DMXL1: variants seen among roughly 807,000 people sequenced by gnomAD.
DMXL1 encodes the protein dmX-like protein 1.
DMXL1 carries 99 observed loss-of-function variants against 319.2 expected under a neutral mutation model. The ratio of observed to expected loss-of-function variants is 0.31; its 90% CI spans 0.26 to 0.37. The LOEUF is 0.37. Among genes scored for constraint, DMXL1 ranks in the 10% least tolerant of loss-of-function variants. The pLI is 1.00. For synonymous variants in DMXL1, 1,385 were observed against 1,235.2 expected, an observed-to-expected ratio of 1.12 and a Z score of -2.54; for missense variants, 3,745 against 3,595.6, an observed-to-expected ratio of 1.04 and a Z score of -1.06.
At chr5:119,244,242 T>G (rs1057133961) in intron 42 of DMXL1, 117 bp from the exon 43 acceptor site, 2 of 735,158 alleles carry the variant, frequency 2.7e-6, no homozygotes, top group African/African-American at 3.6e-5. Flanking sequence ...TCATTTGATT[T>G]TTTAATTGTT....
intron 31 of DMXL1, 83 bp from the exon 32 acceptor site, chr5:119,197,672 C>T (rs2150414537): frequency 1.6e-6 from 2 of 1,259,910 alleles, no homozygotes; most frequent in East Asian, 2.3e-5. Context: ...ATCTGCTCTC[C>T]CCTCTCTCAT....
intron 28 of DMXL1, among the ~76,000 whole-genome samples, chr5:119,184,510 A>T (rs1310953156): frequency 6.6e-6 from 1 of 152,236 alleles, no homozygotes. Flanking sequence ...TATGACTAAA[A>T]ACACATGATA....
At chr5:119,122,032 CA>C (rs1329799917) in intron 9 of DMXL1, among the ~76,000 whole-genome samples, 4 of 143,474 alleles carry the variant, frequency 2.8e-5, no homozygotes, top group African/African-American at 1.0e-4. Flanking sequence ...GCTGGCCGGG[CA>C]GGGGGCTGAC....
intron 9 of DMXL1, among the ~76,000 whole-genome samples, chr5:119,124,992 G>A (rs1186551863): frequency 1.3e-5 from 2 of 152,152 alleles, no homozygotes; most frequent in Non-Finnish European, 2.9e-5. Flanking sequence ...ATTTTTCACT[G>A]TTAAACATTT....
Position 119,167,853 on chromosome 5 carries a change from G to C in DMXL1, c.5387G>C (p.Arg1796Thr). The change falls in exon 23 of 44, where the codon AGA becomes ACA. Residue 1796 changes from arginine to threonine, a missense_variant. By Grantham distance (71) the Arg-to-Thr change is moderately conservative. This residue lies in a region of DMXL1 where 1,382 missense variants were observed against 1,269.5 expected (regional missense o/e 1.09). Coordinates refer to ENST00000539542, the MANE Select transcript of DMXL1 (RefSeq NM_001290321.3). ...ALETLIKQPI[R>T]ENDDQVLSAS... ...GAAACATTAATAAAGCAACCTATCA[G>C]AGAGAATGATGGTAAGCTGCACTTC... is the stretch of plus-strand genomic sequence containing the variant. 1 of 1,611,462 alleles carries C rather than the reference G, an allele frequency of 6.2e-7. No homozygotes were observed. Among genetic ancestry groups the C allele is most frequent in the Non-Finnish European group, 8.5e-7 (1 of 1,179,322 alleles).
In DMXL1 at chr5:119,197,856, C is replaced by T. The variant is rs765819725; in HGVS notation, c.7645C>T (p.Gln2549Ter). 1.2e-6 allele frequency: 2 copies of T among 1,614,172 alleles called. No individual in the cohort carries two copies. The highest frequency in any genetic ancestry group is 1.7e-5 in the Admixed American group (1 of 60,020). Residue 2549 changes from glutamine to a stop codon, truncating the protein, a stop_gained, in exon 32 of 44, where the codon CAA becomes TAA. Transcript: ENST00000539542. LOFTEE classifies it high-confidence loss of function. ...RRLEIHGGPP[Q>*]NYIASHTAEE... ...ACTTGAAATCCATGGTGGGCCACCT[C>T]AAAATTATATCGCAAGTCATACCGC... is the stretch of plus-strand genomic sequence containing the variant.
rs1490911309 is a variant in DMXL1 at position 119,108,357 on chromosome 5, T to C, written c.365-1794T>C. Among the ~76,000 whole-genome samples the C allele has an allele frequency of 2.0e-5, 3 of 152,170 alleles. No homozygotes were observed. The East Asian group carries it at 5.8e-4, about 29-fold the overall frequency. On this transcript the variant is annotated intron_variant, in intron 4 of 43. Transcript: ENST00000539542. ...TCTACTTAATTCCCAAGTCATAGAG[T>C]TGGAATCTGTCCTTTAACCCTCTTG...
intron 34 of DMXL1, among the ~76,000 whole-genome samples, chr5:119,214,678 T>TA (rs201092473): frequency 0.022 from 3,272 of 151,704 alleles, 111 homozygotes; most frequent in African/African-American, 0.074. Context: ...TATTTGTATT[T>TA]AAAAAAAAAT....
intron 32 of DMXL1, among the ~76,000 whole-genome samples, chr5:119,201,123 A>G (rs1780631230): frequency 6.6e-6 from 1 of 152,134 alleles, no homozygotes; most frequent in Non-Finnish European, 1.5e-5. Context: ...GAGTGGTGAG[A>G]CAAAGCATCC....
At chr5:119,189,958 T>A in intron 29 of DMXL1, 72 bp downstream of exon 29, 4 of 1,433,446 alleles carry the variant, frequency 2.8e-6, no homozygotes, top group Non-Finnish European at 3.8e-6. Flanking sequence ...ATAAGTGTCA[T>A]TTTTGGTGCT....
chr5:119,158,632 G>C (rs977210538), intron 19 of DMXL1, among the ~76,000 whole-genome samples: 8 of 152,122 alleles, frequency 5.3e-5, no homozygotes, highest in Non-Finnish European at 5.9e-5. Context: ...GTCATTTATG[G>C]CCTTTGTTGT....
At chr5:119,235,562 A>G (rs1787594745) in intron 39 of DMXL1, among the ~76,000 whole-genome samples, 1 of 152,186 alleles carries the variant, frequency 6.6e-6, no homozygotes, top group Admixed American at 6.6e-5. Context: ...AAGGAATAAT[A>G]GATACTTCCC....
At chr5:119,199,898 C>T (rs1348853207) in intron 32 of DMXL1, among the ~76,000 whole-genome samples, 1 of 152,074 alleles carries the variant, frequency 6.6e-6, no homozygotes, top group Non-Finnish European at 1.5e-5. Context: ...CTGTTCATGT[C>T]CTTTGCCCAC....
intron 4 of DMXL1, among the ~76,000 whole-genome samples, chr5:119,109,806 G>A (rs999702020): frequency 2.6e-5 from 4 of 152,122 alleles, no homozygotes; most frequent in African/African-American, 9.7e-5. Flanking sequence ...TATCATGTAT[G>A]TAACACTTCC....
At chr5:119,196,932 A>G (rs1158324433) in intron 31 of DMXL1, among the ~76,000 whole-genome samples, 3 of 152,218 alleles carry the variant, frequency 2.0e-5, no homozygotes, top group African/African-American at 7.2e-5. Context: ...TATCATAATG[A>G]TGGACAGAGG....
chr5:119,247,517 A>G lies in DMXL1; in HGVS notation c.*298A>G, dbSNP rs1239569129. The G allele has an allele frequency of 1.1e-5, 2 of 184,532 alleles. No homozygotes were observed. Among genetic ancestry groups the G allele is most frequent in the Non-Finnish European group, 2.3e-5 (2 of 88,238 alleles). The allele number at this position is 184,532 out of a possible 1,614,324, so 11.4% of individuals were successfully genotyped here. ...TTTGTTTTCTTATTGATACTTTTCC[A>G]CAGGCATCTCTGCATGAATTTCTTC... On this transcript the variant is annotated 3_prime_UTR_variant, in exon 44 of 44. Coordinates refer to ENST00000539542, the MANE Select transcript of DMXL1 (RefSeq NM_001290321.3).
intron 28 of DMXL1, among the ~76,000 whole-genome samples, chr5:119,182,176 G>A (rs144705567): frequency 6.6e-6 from 1 of 152,242 alleles, no homozygotes; most frequent in African/African-American, 2.4e-5. Context: ...ATACATTGTT[G>A]ACCAAGGGAA....
At chr5:119,072,781 C>A (rs192589525) in intron 1 of DMXL1, among the ~76,000 whole-genome samples, 115 of 152,140 alleles carry the variant, frequency 7.6e-4, no homozygotes, top group African/African-American at 2.2e-3. Flanking sequence ...ACTGTACCTC[C>A]CCTTTAGATT....
chr5:119,185,335 G>T (rs1388465299), intron 28 of DMXL1, among the ~76,000 whole-genome samples: 1 of 151,998 alleles, frequency 6.6e-6, no homozygotes, highest in Non-Finnish European at 1.5e-5. Flanking sequence ...CCCTTGCTCT[G>T]TGGTTTGGAG....
Sources: gnomAD v4.1 joint callset for allele counts (sites outside exome capture counted in the v4.1 genomes callset) on GRCh38, gnomAD v4.1.1 for gene constraint, gnomAD v4.1.1 regional missense constraint, MANE v1.5 for transcripts, NCBI Gene and HGNC (gene_info 2026-07-23, HGNC 2026-07-21) for gene names.